Variants in MAGI2 observed in about 807,000 individuals in gnomAD.
The protein encoded by MAGI2 is membrane associated guanylate kinase, WW and PDZ domain containing 2.
A neutral mutation model predicts 133.3 loss-of-function variants in MAGI2; 35 were observed. The observed-to-expected ratio is 0.26, with a 90% CI of 0.20 to 0.35. MAGI2 has a LOEUF of 0.35. MAGI2 is among the 10% of genes least tolerant of loss of function. The pLI is 1.00. For missense variants in MAGI2, 1,636 were observed against 1,863.4 expected (o/e 0.88, Z 2.25); for synonymous variants, 729 against 710.6 (o/e 1.03, Z -0.41).
chr7:78,084,480 C>T (rs1313470932), intron 20 of MAGI2, among the ~76,000 whole-genome samples: 1 of 97,318 alleles, frequency 1.0e-5, no homozygotes, highest in South Asian at 3.6e-4. Flanking sequence ...ATTTGCATGC[C>T]GTGTAAGTTA....
intron 3 of MAGI2, among the ~76,000 whole-genome samples, chr7:78,537,392 T>A (rs945318615): frequency 6.6e-6 from 1 of 152,220 alleles, no homozygotes; most frequent in African/African-American, 2.4e-5. Flanking sequence ...GAATGGTAGA[T>A]CTACTTTTAG....
chr7:79,222,946 G>T (rs180962301), intron 1 of MAGI2, among the ~76,000 whole-genome samples: 1 of 151,904 alleles, frequency 6.6e-6, no homozygotes, highest in Admixed American at 6.6e-5. Flanking sequence ...GTGCAGTGGC[G>T]CTGTCTCGGC....
intron 13 of MAGI2, among the ~76,000 whole-genome samples, chr7:78,185,122 TA>T (rs1320486479): frequency 4.6e-5 from 7 of 152,246 alleles, no homozygotes; most frequent in Non-Finnish European, 7.3e-5. Flanking sequence ...TAAATTTTCA[TA>T]ATATATTTTG....
intron 20 of MAGI2, among the ~76,000 whole-genome samples, chr7:78,119,416 C>T (rs1820196893): frequency 6.6e-6 from 1 of 151,754 alleles, no homozygotes; most frequent in East Asian, 1.9e-4. Context: ...AAAAAATTAG[C>T]CGGGCATGGT....
chr7:78,246,983 C>T (rs1309744135), intron 10 of MAGI2, among the ~76,000 whole-genome samples: 1 of 152,252 alleles, frequency 6.6e-6, no homozygotes, highest in African/African-American at 2.4e-5. Context: ...AGAGAGTAAA[C>T]CTATAGCACA....
At chr7:79,427,617 C>T (rs1294679110) in intron 1 of MAGI2, among the ~76,000 whole-genome samples, 1 of 152,098 alleles carries the variant, frequency 6.6e-6, no homozygotes, top group Non-Finnish European at 1.5e-5. Context: ...AGATAAAATC[C>T]ATGTTGTCCA....
At chr7:79,161,499 A>T (rs1228372941) in intron 1 of MAGI2, among the ~76,000 whole-genome samples, 1 of 152,104 alleles carries the variant, frequency 6.6e-6, no homozygotes, top group Non-Finnish European at 1.5e-5. Context: ...TGCTAATGGA[A>T]ATAATATTTT....
intron 2 of MAGI2, among the ~76,000 whole-genome samples, chr7:78,861,572 A>C (rs1394595813): frequency 2.6e-5 from 4 of 152,228 alleles, no homozygotes; most frequent in Non-Finnish European, 5.9e-5. Flanking sequence ...ATTAATATCT[A>C]AGTATCTGGC....
In MAGI2 at chr7:78,366,220, A is replaced by G. The variant is rs551745584; in HGVS notation, c.1103+2936T>C. Among the ~76,000 whole-genome samples the G allele has an allele frequency of 3.7e-4, 56 of 152,310 alleles. No homozygotes were observed. In the South Asian group the frequency reaches 0.011, roughly 29 times the overall value. ...ACAAAAGATATTGCTTGTTATATTA[A>G]CTAAATATTAATATTACCAATTAAA... On this transcript the variant is annotated intron_variant, in intron 7 of 21. Transcript: ENST00000354212.
At chr7:78,286,476 C>T (rs528785839) in intron 9 of MAGI2, among the ~76,000 whole-genome samples, 8 of 152,202 alleles carry the variant, frequency 5.3e-5, no homozygotes, top group Admixed American at 2.6e-4. Flanking sequence ...AGAATTGATA[C>T]GTGACCTTTG....
chr7:78,510,492 A>G (rs1362933221), intron 4 of MAGI2, among the ~76,000 whole-genome samples: 1 of 152,240 alleles, frequency 6.6e-6, no homozygotes, highest in Admixed American at 6.5e-5. Flanking sequence ...CAAGCAATTT[A>G]AATGATTTCT....
intron 20 of MAGI2, among the ~76,000 whole-genome samples, chr7:78,079,694 C>T (rs566786145): frequency 6.4e-4 from 98 of 152,310 alleles, no homozygotes; most frequent in African/African-American, 2.2e-3. Flanking sequence ...ATTCTCCATT[C>T]TCTCCACATG....
chr7:78,611,973 TTGATA>T (rs1806497374), intron 3 of MAGI2, among the ~76,000 whole-genome samples: 1 of 152,212 alleles, frequency 6.6e-6, no homozygotes, highest in African/African-American at 2.4e-5. Context: ...TCCTTCTGTC[TTGATA>T]TATTTAAGTC....
chr7:78,781,920 G>A (rs1488199071), intron 2 of MAGI2, among the ~76,000 whole-genome samples: 1 of 152,076 alleles, frequency 6.6e-6, no homozygotes, highest in Non-Finnish European at 1.5e-5. Context: ...TCCTTCAATT[G>A]TTATATTTCT....
chr7:78,704,077 C>T lies in MAGI2; in HGVS notation c.419-76838G>A, dbSNP rs576891376. ...CAGAAACAAAAATTGACAAATAGGACCTAATTAAACTAAAGAGCTTCTGCA... is the reference window on the plus strand; with the variant it reads ...CAGAAACAAAAATTGACAAATAGGATCTAATTAAACTAAAGAGCTTCTGCA... On this transcript the variant is annotated intron_variant, in intron 2 of 21. Coordinates refer to ENST00000354212, the MANE Select transcript of MAGI2 (RefSeq NM_012301.4). 6.6e-5 allele frequency among the ~76,000 whole-genome samples: 10 copies of T among 152,026 alleles called. No individual in the cohort carries two copies. The South Asian group carries it at 2.1e-3, about 32-fold the overall frequency.
chr7:78,650,068 T>C lies in MAGI2; in HGVS notation c.419-22829A>G, dbSNP rs192268307. ...GATCTACAGACCATAATTAGAGTAGTAAGGTGTTAGTCTAGCCTGGAGTAG... is the reference window on the plus strand; with the variant it reads ...GATCTACAGACCATAATTAGAGTAGCAAGGTGTTAGTCTAGCCTGGAGTAG... On this transcript the variant is annotated intron_variant, in intron 2 of 21. Coordinates refer to ENST00000354212, the MANE Select transcript of MAGI2 (RefSeq NM_012301.4). 4.2e-3 allele frequency among the ~76,000 whole-genome samples: 640 copies of C among 152,222 alleles called. 5 individuals are homozygous for C. The highest frequency in any genetic ancestry group is 3.0e-3 in the Non-Finnish European group (203 of 68,008).
intron 1 of MAGI2, among the ~76,000 whole-genome samples, chr7:79,296,540 G>T (rs999688249): frequency 2.0e-5 from 3 of 152,124 alleles, no homozygotes; most frequent in African/African-American, 7.2e-5. Context: ...GTGGCAACAT[G>T]GATGAACCTG....
intron 1 of MAGI2, among the ~76,000 whole-genome samples, chr7:79,071,585 A>AT (rs1452465792): frequency 2.0e-5 from 3 of 151,620 alleles, no homozygotes; most frequent in Non-Finnish European, 4.4e-5. Flanking sequence ...TCCCAGGGAA[A>AT]TGGGGGTTTT....
intron 20 of MAGI2, among the ~76,000 whole-genome samples, chr7:78,100,030 G>A (rs567922920): frequency 1.1e-4 from 17 of 152,314 alleles, no homozygotes; most frequent in South Asian, 1.0e-3. Context: ...ATACATCTGA[G>A]TTGTTATTTT....
Sources: allele counts gnomAD v4.1 joint callset (sites outside exome capture counted in the v4.1 genomes callset), GRCh38; gene constraint gnomAD v4.1.1; transcripts MANE v1.5; gene names NCBI Gene and HGNC (gene_info 2026-07-23, HGNC 2026-07-21).